The following NCKAP5 variants were observed in gnomAD, a reference collection of about 807,000 sequenced individuals.
NCKAP5 encodes the protein NCK associated protein 5.
A neutral mutation model predicts 167.0 loss-of-function variants in NCKAP5; 92 were observed. The observed-to-expected ratio is 0.55, with a 90% confidence interval of 0.47 to 0.66. The LOEUF (loss-of-function observed/expected upper bound fraction) is 0.66. NCKAP5 is among the 30% of genes least tolerant of loss of function. The probability of loss-of-function intolerance (pLI) is 0.00; values close to 1 mark genes in which losing one functional copy is unlikely to be tolerated. For missense variants in NCKAP5, 2,378 were observed against 2,315.0 expected, an observed-to-expected ratio of 1.03 and a Z score of -0.56; for synonymous variants, 891 against 877.4, an observed-to-expected ratio of 1.02 and a Z score of -0.27.
the NCKAP5 span, among the ~76,000 whole-genome samples, chr2:133,671,170 G>A: frequency 3.5e-5 from 5 of 141,276 alleles, no homozygotes; most frequent in African/African-American, 5.4e-5. Context: ...AGCCAAGATC[G>A]TGCCATTGCA....
Position 132,880,705 on chromosome 2 carries a change from C to G in NCKAP5, c.580-1789G>C, listed in dbSNP as rs190454340. Among the ~76,000 whole-genome samples the G allele has an allele frequency of 3.7e-3, 564 of 152,232 alleles. 1 individual carries two copies. Among genetic ancestry groups the G allele is most frequent in the Non-Finnish European group, 5.9e-3 (399 of 68,004 alleles). ...CAAATACTGTGACACAATCATTATACATTCTATACCTGTAACAAAATATCA... is the reference window on the plus strand; with the variant it reads ...CAAATACTGTGACACAATCATTATAGATTCTATACCTGTAACAAAATATCA... On this transcript the variant is annotated intron_variant, in intron 8 of 19. Coordinates refer to ENST00000409261, the MANE Select transcript of NCKAP5 (RefSeq NM_207363.3).
intron 5 of NCKAP5, among the ~76,000 whole-genome samples, chr2:133,135,183 A>AT (rs1485154054): frequency 6.6e-6 from 1 of 152,192 alleles, no homozygotes; most frequent in Non-Finnish European, 1.5e-5. Flanking sequence ...ACGGAAACTG[A>AT]TTTTGTTTGG....
At chr2:133,034,532 T>G (rs912125401) in intron 6 of NCKAP5, among the ~76,000 whole-genome samples, 4 of 151,976 alleles carry the variant, frequency 2.6e-5, no homozygotes, top group African/African-American at 4.8e-5. Context: ...GACTAAATGA[T>G]GAACTAATAA....
chr2:133,070,511 G>A (rs1050733879), intron 6 of NCKAP5, among the ~76,000 whole-genome samples: 5 of 152,148 alleles, frequency 3.3e-5, no homozygotes, highest in Non-Finnish European at 5.9e-5. Context: ...CGACTCCTTA[G>A]TTCTCATTTC....
intron 2 of NCKAP5, among the ~76,000 whole-genome samples, chr2:133,557,267 T>C (rs1687808057): frequency 6.6e-6 from 1 of 152,298 alleles, no homozygotes; most frequent in Non-Finnish European, 1.5e-5. Context: ...GAATGCTTGG[T>C]TGGTACACAG....
Position 133,161,249 on chromosome 2 carries a change from C to T in NCKAP5, c.208-31138G>A, listed in dbSNP as rs142532223. ...AATTGTCTTCCACGAAACTGGTCCC[C>T]GGTGCCAAAAAGTTTGGAGACCGTT... On this transcript the variant is annotated intron_variant, in intron 5 of 19. Transcript: ENST00000409261. Among the ~76,000 whole-genome samples, 739 of 152,146 alleles carry T rather than the reference C, an allele frequency of 4.9e-3. 2 individuals are homozygous for T. The highest frequency in any genetic ancestry group is 0.016 in the African/African-American group (681 of 41,526).
At chr2:133,203,289 G>A (rs923099517) in intron 5 of NCKAP5, among the ~76,000 whole-genome samples, 25 of 151,966 alleles carry the variant, frequency 1.6e-4, no homozygotes, top group African/African-American at 1.5e-4. Flanking sequence ...CCATCGCAAC[G>A]ACAGAAAACC....
intron 3 of NCKAP5, among the ~76,000 whole-genome samples, chr2:133,339,048 A>G (rs1178901152): frequency 6.6e-6 from 1 of 152,002 alleles, no homozygotes; most frequent in African/African-American, 2.4e-5. Flanking sequence ...AATAAAATAC[A>G]AGGTCACTTT....
chr2:132,849,604 C>A (rs58519694), intron 11 of NCKAP5, among the ~76,000 whole-genome samples: 1 of 152,030 alleles, frequency 6.6e-6, no homozygotes, highest in Admixed American at 6.6e-5. Context: ...TCTCACAAGA[C>A]GAGAAAGGAA....
At chr2:133,472,217 T>C (rs1423885134) in intron 3 of NCKAP5, among the ~76,000 whole-genome samples, 1 of 152,168 alleles carries the variant, frequency 6.6e-6, no homozygotes, top group Non-Finnish European at 1.5e-5. Flanking sequence ...TAAACATTAT[T>C]TTCCATATGT....
intron 6 of NCKAP5, among the ~76,000 whole-genome samples, chr2:133,004,744 C>T (rs1040261762): frequency 2.0e-5 from 3 of 152,132 alleles, no homozygotes; most frequent in Non-Finnish European, 4.4e-5. Flanking sequence ...GGCTAGAATT[C>T]GCCAGGCTGG....
intron 6 of NCKAP5, among the ~76,000 whole-genome samples, chr2:133,051,476 C>T (rs2079605494): frequency 6.6e-6 from 1 of 152,086 alleles, no homozygotes; most frequent in South Asian, 2.1e-4. Context: ...TGGAACAGTC[C>T]CAAGATTCAC....
At chr2:133,015,733 G>T (rs1036678332) in intron 6 of NCKAP5, among the ~76,000 whole-genome samples, 1 of 152,132 alleles carries the variant, frequency 6.6e-6, no homozygotes, top group African/African-American at 2.4e-5. Context: ...CTACTCAAAA[G>T]GAACTTACTA....
chr2:133,117,187 C>G (rs2082110786), intron 6 of NCKAP5: 1 of 152,156 alleles, frequency 6.6e-6, no homozygotes, highest in Admixed American at 6.5e-5. Flanking sequence ...GGAAGGGATG[C>G]TTATTTGTTT....
intron 3 of NCKAP5, among the ~76,000 whole-genome samples, chr2:133,441,708 C>G (rs931741379): frequency 3.9e-5 from 6 of 152,342 alleles, no homozygotes; most frequent in South Asian, 2.1e-4. Context: ...TAGACCTCCT[C>G]TAGCAACCAC....
intron 3 of NCKAP5, among the ~76,000 whole-genome samples, chr2:133,462,971 A>G (rs1390431520): frequency 2.0e-5 from 3 of 152,166 alleles, no homozygotes; most frequent in Admixed American, 1.3e-4. Context: ...TTCACCGAAT[A>G]TCTTCTTTGT....
At chr2:132,855,109 G>A (rs564047466) in intron 11 of NCKAP5, among the ~76,000 whole-genome samples, 2 of 152,192 alleles carry the variant, frequency 1.3e-5, no homozygotes, top group East Asian at 1.9e-4. Context: ...CCAACCTCAC[G>A]TGTTACATCT....
intron 11 of NCKAP5, among the ~76,000 whole-genome samples, chr2:132,809,673 C>T (rs141936168): frequency 0.019 from 2,849 of 152,150 alleles, 83 homozygotes; most frequent in African/African-American, 0.066. Context: ...AGGTGAGTCT[C>T]CTGAAGGCAG....
intron 11 of NCKAP5, among the ~76,000 whole-genome samples, chr2:132,809,787 C>A (rs750494135): frequency 6.6e-6 from 1 of 152,114 alleles, no homozygotes; most frequent in Non-Finnish European, 1.5e-5. Context: ...ATGTGACGTA[C>A]CATTGCATTT....
Sources: gnomAD v4.1 joint callset for allele counts (sites outside exome capture counted in the v4.1 genomes callset) on GRCh38, gnomAD v4.1.1 for gene constraint, MANE v1.5 for transcripts, NCBI Gene and HGNC (gene_info 2026-07-23, HGNC 2026-07-21) for gene names.